Variants in SLC71A2 observed in about 807,000 individuals in gnomAD.
SLC71A2 encodes the protein solute carrier family 71 member 2.
chr9:94,411,335 TTTG>T, the SLC71A2 span, among the ~76,000 whole-genome samples: 1 of 147,726 alleles, frequency 6.8e-6, no homozygotes, highest in East Asian at 2.0e-4. Flanking sequence ...TTTGTTTCAC[TTTG>T]TTTTTTCAAA....
chr9:94,438,198 A>G, the SLC71A2 span, among the ~76,000 whole-genome samples: 1 of 152,182 alleles, frequency 6.6e-6, no homozygotes, highest in Non-Finnish European at 1.5e-5. Context: ...TCGGCCTTCC[A>G]AAGTGCTGGG....
chr9:94,395,651 T>C, the SLC71A2 span, among the ~76,000 whole-genome samples: 1 of 152,224 alleles, frequency 6.6e-6, no homozygotes, highest in Non-Finnish European at 1.5e-5. Flanking sequence ...TGTTTTGTTA[T>C]GCGTCCCTTA....
the SLC71A2 span, among the ~76,000 whole-genome samples, chr9:94,402,654 T>C: frequency 6.6e-6 from 1 of 152,228 alleles, no homozygotes; most frequent in Non-Finnish European, 1.5e-5. Context: ...GCTTATCTTT[T>C]CATTCACTTA....
At chr9:94,387,141 G>A in the SLC71A2 span, among the ~76,000 whole-genome samples, 1 of 152,042 alleles carries the variant, frequency 6.6e-6, no homozygotes, top group Non-Finnish European at 1.5e-5. Context: ...TGTCTACTGT[G>A]ACATTCATTA....
the SLC71A2 span, among the ~76,000 whole-genome samples, chr9:94,427,463 A>T: frequency 6.6e-6 from 1 of 151,236 alleles, no homozygotes. Flanking sequence ...TCATTCATCC[A>T]TAGATACGGT....
chr9:94,460,086 A>G, the SLC71A2 span: 2 of 152,362 alleles, frequency 1.3e-5, no homozygotes, highest in East Asian at 1.9e-4. Context: ...ACAAACTTAA[A>G]TCATGTAAAA....
chr9:94,384,607 G>A, the SLC71A2 span, among the ~76,000 whole-genome samples: 2 of 152,128 alleles, frequency 1.3e-5, no homozygotes, highest in African/African-American at 2.4e-5. Context: ...CCCAAAGTGC[G>A]GGGATTACAG....
the SLC71A2 span, among the ~76,000 whole-genome samples, chr9:94,379,323 C>T: frequency 0.28 from 40,684 of 143,896 alleles, 7,245 homozygotes; most frequent in East Asian, 0.56. Context: ...TGACCTCAGG[C>T]GATCCACCTG....
chr9:94,414,073 A>G, the SLC71A2 span, among the ~76,000 whole-genome samples: 1 of 152,184 alleles, frequency 6.6e-6, no homozygotes, highest in Admixed American at 6.5e-5. Flanking sequence ...ATCTAGGGAC[A>G]TGGAGAAACA....
chr9:94,381,352 C>CT, the SLC71A2 span, among the ~76,000 whole-genome samples: 328 of 133,580 alleles, frequency 2.5e-3, no homozygotes, highest in East Asian at 6.5e-3. Flanking sequence ...AATTTTCTAG[C>CT]TTTTTTTTTT....
the SLC71A2 span, among the ~76,000 whole-genome samples, chr9:94,447,955 AG>A: frequency 6.6e-6 from 1 of 152,086 alleles, no homozygotes; most frequent in African/African-American, 2.4e-5. Flanking sequence ...TATGCATTTA[AG>A]GTTCTTTCAT....
chr9:94,435,909 C>T, the SLC71A2 span, among the ~76,000 whole-genome samples: 1 of 152,146 alleles, frequency 6.6e-6, no homozygotes, highest in African/African-American at 2.4e-5. Flanking sequence ...CCTCAACCTC[C>T]CAGAGTGCTG....
At chr9:94,389,296 C>T in the SLC71A2 span, among the ~76,000 whole-genome samples, 1 of 151,110 alleles carries the variant, frequency 6.6e-6, no homozygotes, top group Non-Finnish European at 1.5e-5. Flanking sequence ...GACAGAGTCT[C>T]ACTCTGTTGC....
At chr9:94,407,579 A>G in the SLC71A2 span, among the ~76,000 whole-genome samples, 2 of 152,030 alleles carry the variant, frequency 1.3e-5, no homozygotes, top group Admixed American at 1.3e-4. Context: ...TGGTTTCACT[A>G]TGTTGGCCAG....
chr9:94,445,063 G>A, the SLC71A2 span: 4 of 1,614,106 alleles, frequency 2.5e-6, no homozygotes, highest in African/African-American at 4.0e-5. Flanking sequence ...GGTGGCCACA[G>A]TGGTGGCTCT....
chr9:94,390,339 G>C, the SLC71A2 span, among the ~76,000 whole-genome samples: 1 of 149,552 alleles, frequency 6.7e-6, no homozygotes, highest in East Asian at 2.0e-4. Flanking sequence ...AATTGGAATG[G>C]TTGGAAGGAA....
At chr9:94,448,091 ATGTAC>A in the SLC71A2 span, among the ~76,000 whole-genome samples, 2 of 135,082 alleles carry the variant, frequency 1.5e-5, no homozygotes, top group Non-Finnish European at 3.2e-5. Flanking sequence ...TGTAACATTC[ATGTAC>A]TGTAATGTTT....
chr9:94,459,605 T>TC, the SLC71A2 span: 3 of 569,334 alleles, frequency 5.3e-6, no homozygotes, highest in Non-Finnish European at 9.2e-6. Context: ...CTTTTTTTTT[T>TC]TCCTGTTTAT....
At chr9:94,442,062 C>T in the SLC71A2 span, among the ~76,000 whole-genome samples, 5 of 152,154 alleles carry the variant, frequency 3.3e-5, 1 homozygote, top group Admixed American at 1.3e-4. Flanking sequence ...ACCCTTCTCC[C>T]GTCTTCCTCT....
Sources: gnomAD v4.1 joint callset for allele counts (sites outside exome capture counted in the v4.1 genomes callset) on GRCh38, gnomAD v4.1.1 for gene constraint, MANE v1.5 for transcripts, NCBI Gene and HGNC (gene_info 2026-07-23, HGNC 2026-07-21) for gene names.